F2R: variants seen among roughly 807,000 people sequenced by gnomAD.
F2R encodes the protein proteinase-activated receptor 1.
F2R carries 12 observed loss-of-function variants against 18.3 expected under a neutral mutation model. That is an observed-to-expected ratio of 0.66 (90% CI 0.42 to 1.06). The LOEUF (loss-of-function observed/expected upper bound fraction) is 1.06, where lower values mean the gene tolerates loss of function less well. Among genes scored for constraint, F2R ranks in the 50% least tolerant of loss-of-function variants. The pLI is 0.00. For synonymous variants in F2R, 210 were observed against 219.9 expected, an observed-to-expected ratio of 0.95 and a Z score of 0.40; for missense variants, 438 against 530.8, an observed-to-expected ratio of 0.83 and a Z score of 1.72.
At chr5:76,723,919 A>G (rs1748512070) in intron 1 of F2R, among the ~76,000 whole-genome samples, 1 of 152,148 alleles carries the variant, frequency 6.6e-6, no homozygotes, top group East Asian at 1.9e-4. Context: ...TCCTCTCCCA[A>G]CTGTATAATT....
chr5:76,716,668 C>T (rs746141857), intron 1 of F2R: 1 of 746,518 alleles, frequency 1.3e-6, no homozygotes, highest in Non-Finnish European at 2.4e-6. Context: ...GAGCGGAAGC[C>T]CCCTGGGGGA....
At chr5:76,720,853 G>C (rs2227765) in intron 1 of F2R, among the ~76,000 whole-genome samples, 2,555 of 152,262 alleles carry the variant, frequency 0.017, 69 homozygotes, top group African/African-American at 0.058. Flanking sequence ...TCTTACTCAG[G>C]CTGGAGTGCA....
At chr5:76,731,917 C>A (rs889474712) in intron 1 of F2R, among the ~76,000 whole-genome samples, 13 of 152,134 alleles carry the variant, frequency 8.5e-5, no homozygotes, top group Admixed American at 7.9e-4. Context: ...AAAGTGTGCA[C>A]ATGAAGGTAT....
At chr5:76,728,075 C>CA (rs1379148727) in intron 1 of F2R, among the ~76,000 whole-genome samples, 1 of 151,720 alleles carries the variant, frequency 6.6e-6, no homozygotes, top group East Asian at 1.9e-4. Context: ...TTTTATTTGA[C>CA]AAAAAATTAT....
At position 76,716,392 on chromosome 5, in the gene F2R, C is replaced by A; in HGVS notation, c.85C>A (p.Pro29Thr). 1 of 1,446,672 alleles carries A rather than the reference C, an allele frequency of 6.9e-7. No individual in the cohort carries two copies. The highest frequency in any genetic ancestry group is 9.1e-7 in the Non-Finnish European group (1 of 1,103,216). The allele number at this position is 1,446,672 out of a possible 1,614,324, so 89.6% of individuals were successfully genotyped here. The change falls in exon 1 of 2, where the codon CCA (proline) becomes ACA (threonine). Residue 29 changes from proline to threonine, a missense_variant. By Grantham distance (38) the Pro-to-Thr change is conservative. Transcript: ENST00000319211. The part of the protein sequence containing the change: ...LLSARTRARR[P>T]ESKATNATLD... ...GTCTGCCCGCACCCGGGCCCGCAGG[C>A]CAGGTGAGAGATGCACGGGAATGGG...
chr5:76,716,398 G>T lies in F2R; in HGVS notation c.88+3G>T. 2 of 1,444,530 alleles carry T rather than the reference G, an allele frequency of 1.4e-6. No homozygotes were observed. Among genetic ancestry groups the T allele is most frequent in the South Asian group, 1.4e-5 (1 of 70,654 alleles). 89.5% of individuals were successfully genotyped at this position (1,444,530 alleles called of 1,614,324 possible). On this transcript the variant is annotated splice_donor_region_variant and intron_variant, in intron 1 of 1. Coordinates refer to ENST00000319211, the MANE Select transcript of F2R (RefSeq NM_001992.5). Reference sequence around the variant, plus strand: ...CCGCACCCGGGCCCGCAGGCCAGGTGAGAGATGCACGGGAATGGGGTGCGC... The same window carrying T: ...CCGCACCCGGGCCCGCAGGCCAGGTTAGAGATGCACGGGAATGGGGTGCGC...
At chr5:76,728,546 A>T (rs1004238992) in intron 1 of F2R, among the ~76,000 whole-genome samples, 1 of 152,168 alleles carries the variant, frequency 6.6e-6, no homozygotes, top group Non-Finnish European at 1.5e-5. Flanking sequence ...TTAAGGCTGA[A>T]TAGTATTCCA....
chr5:76,731,831 A>G lies in F2R; in HGVS notation c.89-483A>G, dbSNP rs374503067. ...ACGTGACCCACTGTGCCCAGCCTAA[A>G]TCCCCTCAACTTTCTATGTGGATTT... On this transcript the variant is annotated intron_variant, in intron 1 of 1. Coordinates refer to ENST00000319211, the MANE Select transcript of F2R (RefSeq NM_001992.5). Among the ~76,000 whole-genome samples, 11 of 152,266 alleles carry G rather than the reference A, an allele frequency of 7.2e-5. No individual in the cohort carries two copies. In the East Asian group the frequency reaches 1.4e-3, roughly 19 times the overall value.
chr5:76,720,552 T>C (rs113083958), intron 1 of F2R, among the ~76,000 whole-genome samples: 89 of 152,214 alleles, frequency 5.8e-4, no homozygotes, highest in African/African-American at 1.9e-3. Context: ...TTTTAAAGTA[T>C]ACAATTCATT....
chr5:76,732,075 C>T (rs1409371221), intron 1 of F2R, among the ~76,000 whole-genome samples: 1 of 150,006 alleles, frequency 6.7e-6, no homozygotes, highest in Non-Finnish European at 1.5e-5. Flanking sequence ...TATCATTCAC[C>T]TTTGTCCCTT....
At chr5:76,719,084 G>A (rs893513141) in intron 1 of F2R, among the ~76,000 whole-genome samples, 2 of 152,112 alleles carry the variant, frequency 1.3e-5, no homozygotes, top group South Asian at 2.1e-4. Context: ...CCTCTGGCCA[G>A]AATGCCCTCC....
In F2R at chr5:76,732,786, C is replaced by T. The variant is rs781662568; in HGVS notation, c.561C>T (p.Tyr187=). ...FVTAAFYCNM[Y]ASILLMTVIS... The stretch of plus-strand genomic sequence containing the variant: ...CTGCAGCATTTTACTGTAACATGTA[C>T]GCCTCTATCTTGCTCATGACAGTCA... The change falls in exon 2 of 2, where the codon TAC becomes TAT. Residue 187 remains tyrosine, a synonymous_variant. Transcript: ENST00000319211. 25 of 1,614,038 alleles carry T rather than the reference C, an allele frequency of 1.5e-5. No homozygotes were observed. Among genetic ancestry groups the T allele is most frequent in the Admixed American group, 5.0e-5 (3 of 60,000 alleles).
chr5:76,720,646 C>T (rs1187934935), intron 1 of F2R, among the ~76,000 whole-genome samples: 1 of 152,040 alleles, frequency 6.6e-6, no homozygotes, highest in Non-Finnish European at 1.5e-5. Flanking sequence ...CGAAAGGAAA[C>T]CAGTAAGCAG....
intron 1 of F2R, among the ~76,000 whole-genome samples, chr5:76,720,384 T>A (rs958758294): frequency 6.6e-6 from 1 of 152,082 alleles, no homozygotes; most frequent in Non-Finnish European, 1.5e-5. Context: ...CAGTGAGCCA[T>A]GGTCACGTGA....
intron 1 of F2R, among the ~76,000 whole-genome samples, chr5:76,728,310 T>G (rs988846796): frequency 2.2e-4 from 33 of 152,194 alleles, no homozygotes; most frequent in Admixed American, 2.2e-3. Flanking sequence ...AACAGAAATT[T>G]TGTACCCTTT....
At chr5:76,716,497 C>T (rs943993475) in intron 1 of F2R, 102 bp downstream of exon 1, 3 of 1,056,710 alleles carry the variant, frequency 2.8e-6, no homozygotes, top group African/African-American at 3.3e-5. Flanking sequence ...TCAGTTTCCT[C>T]CGAAAGCCAA....
At chr5:76,728,225 T>C (rs867419118) in intron 1 of F2R, among the ~76,000 whole-genome samples, 96 of 152,330 alleles carry the variant, frequency 6.3e-4, no homozygotes, top group African/African-American at 2.3e-3. Flanking sequence ...TCTTAGCAAT[T>C]GTCAAGTATA....
chr5:76,721,034 T>TG (rs1748443309), intron 1 of F2R, among the ~76,000 whole-genome samples: 1 of 152,232 alleles, frequency 6.6e-6, no homozygotes, highest in Non-Finnish European at 1.5e-5. Context: ...CTCAAACTCC[T>TG]GGGATCAAGC....
chr5:76,720,248 C>T (rs2227764), intron 1 of F2R, among the ~76,000 whole-genome samples: 176 of 152,132 alleles, frequency 1.2e-3, no homozygotes, highest in African/African-American at 4.1e-3. Flanking sequence ...CCAGCCTAGG[C>T]AACATAGTAA....
Sources: gnomAD v4.1 joint callset for allele counts (sites outside exome capture counted in the v4.1 genomes callset) on GRCh38, gnomAD v4.1.1 for gene constraint, MANE v1.5 for transcripts, NCBI Gene and HGNC (gene_info 2026-07-23, HGNC 2026-07-21) for gene names.